Variants in SDK2 observed in about 807,000 individuals in gnomAD.
The protein encoded by SDK2 is protein sidekick-2.
Under a neutral mutation model 253.9 loss-of-function variants are expected in SDK2, and 105 were observed. The observed-to-expected ratio is 0.41, with a 90% CI of 0.35 to 0.49. The LOEUF (loss-of-function observed/expected upper bound fraction) is 0.49, where lower values mean the gene tolerates loss of function less well. SDK2 is among the 20% of genes least tolerant of loss of function. The pLI is 0.06. For synonymous variants in SDK2, 1,249 were observed against 1,234.9 expected, an observed-to-expected ratio of 1.01 and a Z score of -0.24; for missense variants, 2,608 against 3,003.0, an observed-to-expected ratio of 0.87 and a Z score of 3.07.
chr17:73,390,230 C>A lies in SDK2; in HGVS notation c.4192+57G>T. On this transcript the variant is annotated intron_variant, in intron 29 of 44. Transcript: ENST00000392650. ...CATCCACTAGGAACAGCTCAGAGCA[C>A]TGGCTGGCCCCCCCTCAGCTGCCCC... 2.1e-6 allele frequency: 3 copies of A among 1,427,966 alleles called. No homozygotes were observed. The South Asian group carries it at 4.1e-5, about 19-fold the overall frequency. 88.5% of individuals were successfully genotyped at this position (1,427,966 alleles called of 1,614,324 possible).
intron 24 of SDK2, among the ~76,000 whole-genome samples, chr17:73,397,539 C>T (rs1373874632): frequency 3.3e-5 from 5 of 152,174 alleles, no homozygotes; most frequent in African/African-American, 7.2e-5. Flanking sequence ...CAGAACAGCG[C>T]CTGGTAGGAG....
chr17:73,421,280 TG>T (rs1221704100), intron 15 of SDK2, among the ~76,000 whole-genome samples: 1 of 91,110 alleles, frequency 1.1e-5, no homozygotes, highest in Non-Finnish European at 3.4e-5. Context: ...TGAGATTGTT[TG>T]ACCCCAGTGG....
chr17:73,523,927 T>G (rs1238236267), intron 1 of SDK2, among the ~76,000 whole-genome samples: 1 of 152,204 alleles, frequency 6.6e-6, no homozygotes, highest in Admixed American at 6.5e-5. Context: ...CTGGTACATC[T>G]TGGTCATTTC....
At chr17:73,486,049 G>T (rs1176186598) in intron 2 of SDK2, among the ~76,000 whole-genome samples, 3 of 152,208 alleles carry the variant, frequency 2.0e-5, no homozygotes. Context: ...ATGATGCTGG[G>T]GGGCCAGGGG....
rs1026109813 is a variant in SDK2, at chr17:73,481,917, C to T, written c.225-9699G>A. On this transcript the variant is annotated intron_variant, in intron 2 of 44. Transcript: ENST00000392650. The surrounding 1 kb of genome is among the most constrained non-coding windows in gnomAD (Gnocchi z 4.5). ...GCCAAGTCCCATAACGAACCTCGTGCATCTGTCTCTCTCCCATTGCTTCTG... is the reference window on the plus strand; with the variant it reads ...GCCAAGTCCCATAACGAACCTCGTGTATCTGTCTCTCTCCCATTGCTTCTG... Among the ~76,000 whole-genome samples, 1 of 152,194 alleles carries T rather than the reference C, an allele frequency of 6.6e-6. No homozygotes were observed. The highest frequency in any genetic ancestry group is 2.1e-4 in the South Asian group (1 of 4,828).
At chr17:73,566,109 C>A (rs1040135606) in intron 1 of SDK2, among the ~76,000 whole-genome samples, 1 of 152,210 alleles carries the variant, frequency 6.6e-6, no homozygotes, top group Admixed American at 6.5e-5. Context: ...GCGTGAGGCA[C>A]TGCCCCCAGC....
intron 1 of SDK2, among the ~76,000 whole-genome samples, chr17:73,590,142 A>G (rs1354888525): frequency 2.0e-5 from 3 of 152,182 alleles, no homozygotes; most frequent in Non-Finnish European, 4.4e-5. Flanking sequence ...GGCCTTTGAG[A>G]AGGGGGAGGC....
At chr17:73,610,888 G>A (rs11658755) in intron 1 of SDK2, among the ~76,000 whole-genome samples, 70,797 of 151,902 alleles carry the variant, frequency 0.47, 17,242 homozygotes, top group Admixed American at 0.55. Context: ...GGAGGGTCAG[G>A]CAGGAGTATG....
In SDK2 at chr17:73,402,024, A is replaced by G; in HGVS notation, c.2602T>C (p.Phe868Leu). Residue 868 changes from phenylalanine to leucine, a missense_variant, in exon 19 of 45, where the codon TTC becomes CTC. Physicochemically the swap from Phe to Leu is conservative, Grantham distance 22 (BLOSUM62 0). Transcript: ENST00000392650. ...GTGGTGAAACACAGCACTGAGGTGA[A>G]GTACTCGGTGAACTTCTTCAGGCCA... The part of the protein sequence containing the change: ...VSGLKKFTEY[F>L]TSVLCFTTPG... The G allele has an allele frequency of 6.2e-7, 1 of 1,613,930 alleles. No individual in the cohort carries two copies. The highest frequency in any genetic ancestry group is 1.1e-5 in the South Asian group (1 of 91,078).
At chr17:73,628,094 T>C (rs1445589954) in intron 1 of SDK2, among the ~76,000 whole-genome samples, 2 of 152,328 alleles carry the variant, frequency 1.3e-5, no homozygotes, top group Admixed American at 6.5e-5. Context: ...ACACCACATT[T>C]AACAGATGAG....
At position 73,395,404 on chromosome 17, in the gene SDK2, C is replaced by G. The variant is rs2062963302; in HGVS notation, c.3355-12G>C. 3.1e-6 allele frequency: 5 copies of G among 1,609,824 alleles called. No individual in the cohort carries two copies. Among genetic ancestry groups the G allele is most frequent in the Non-Finnish European group, 4.2e-6 (5 of 1,176,522 alleles). Reference sequence around the variant, plus strand: ...ATCTCCGGGAGAGGCTGCAGCGGGGCAGGGGTGGCAAAGCTGCTATGAGCC... The same window carrying G: ...ATCTCCGGGAGAGGCTGCAGCGGGGGAGGGGTGGCAAAGCTGCTATGAGCC... On this transcript the variant is annotated splice_polypyrimidine_tract_variant and intron_variant, in intron 24 of 44. Transcript: ENST00000392650. This position sits in a 1 kb window ranked among gnomAD's most constrained non-coding sequence, Gnocchi z 4.3.
chr17:73,419,273 A>C lies in SDK2; in HGVS notation c.2079T>G (p.Pro693=), dbSNP rs754972679. 45 of 1,612,714 alleles carry C rather than the reference A, an allele frequency of 2.8e-5. No homozygotes were observed. Among genetic ancestry groups the C allele is most frequent in the Non-Finnish European group, 3.1e-5 (36 of 1,179,666 alleles). ...GACCGCTGGCGATGACGTTCTGTGG[A>C]GGGGCCGTGGGGGGCTCCTCGGGGA... ...VSLPEEPPTA[P]PQNVIASGRT... The change falls in exon 16 of 45, where the codon CCT becomes CCG. Residue 693 remains proline, a synonymous_variant. Coordinates refer to ENST00000392650, the MANE Select transcript of SDK2 (RefSeq NM_001144952.2).
At chr17:73,542,847 G>A (rs959694702) in intron 1 of SDK2, among the ~76,000 whole-genome samples, 8 of 152,178 alleles carry the variant, frequency 5.3e-5, no homozygotes, top group African/African-American at 1.9e-4. Context: ...GCCAAAGTCC[G>A]GAAAGGGCAG....
intron 1 of SDK2, among the ~76,000 whole-genome samples, chr17:73,594,327 T>A (rs556391391): frequency 2.0e-5 from 3 of 152,248 alleles, no homozygotes; most frequent in South Asian, 2.1e-4. Context: ...GAGTCTCATG[T>A]CCTCAGACTG....
intron 16 of SDK2, 124 bp downstream of exon 16, chr17:73,419,042 A>T: frequency 9.2e-7 from 1 of 1,087,066 alleles, no homozygotes; most frequent in Non-Finnish European, 1.3e-6. Context: ...ATTTCTTGTT[A>T]CCTAGTCCTT....
intron 44 of SDK2, among the ~76,000 whole-genome samples, chr17:73,339,144 G>A (rs1003589684): frequency 1.8e-4 from 28 of 152,258 alleles, no homozygotes; most frequent in African/African-American, 6.0e-4. Flanking sequence ...CAGCAGATCC[G>A]GAACCGGAAG....
intron 1 of SDK2, among the ~76,000 whole-genome samples, chr17:73,573,365 AGG>A (rs2045414221): frequency 6.6e-6 from 1 of 152,110 alleles, no homozygotes; most frequent in Non-Finnish European, 1.5e-5. Context: ...CTGCTGCACC[AGG>A]GAAAGGACAC....
intron 1 of SDK2, among the ~76,000 whole-genome samples, chr17:73,572,767 C>G (rs78076589): frequency 6.6e-6 from 1 of 152,180 alleles, no homozygotes; most frequent in African/African-American, 2.4e-5. Context: ...ATCTTCCTAT[C>G]ATTGACCCCT....
chr17:73,345,022 G>T (rs890515601), intron 44 of SDK2, among the ~76,000 whole-genome samples: 5 of 152,194 alleles, frequency 3.3e-5, no homozygotes, highest in African/African-American at 1.2e-4. Context: ...TCGCAGGAAA[G>T]AAACAGAAAG....
Sources: gnomAD v4.1 joint callset for allele counts (sites outside exome capture counted in the v4.1 genomes callset) on GRCh38, gnomAD v4.1.1 for gene constraint, Gnocchi (gnomAD v3.1) non-coding constraint, MANE v1.5 for transcripts, NCBI Gene and HGNC (gene_info 2026-07-23, HGNC 2026-07-21) for gene names.